The following ACBD6 variants were observed in gnomAD, a reference collection of about 807,000 sequenced individuals.
ACBD6 encodes the protein acyl-CoA binding domain containing 6.
ACBD6 carries 28 observed loss-of-function variants against 37.2 expected under a neutral mutation model. The ratio of observed to expected loss-of-function variants is 0.75; its 90% confidence interval spans 0.56 to 1.03. The LOEUF is 1.03. ACBD6 is among the 50% of genes least tolerant of loss of function. The pLI is 0.00. For synonymous variants in ACBD6, 113 were observed against 126.8 expected (o/e 0.89, Z 0.73); for missense variants, 340 against 337.4 (o/e 1.01, Z -0.06).
chr1:180,315,579 C>A (rs541722419), intron 6 of ACBD6, among the ~76,000 whole-genome samples: 1 of 152,266 alleles, frequency 6.6e-6, no homozygotes, highest in Admixed American at 6.5e-5. Context: ...GCCAGCCAAA[C>A]TATTCTTGGG....
At chr1:180,371,917 T>C (rs1653278458) in intron 6 of ACBD6, among the ~76,000 whole-genome samples, 1 of 152,166 alleles carries the variant, frequency 6.6e-6, no homozygotes, top group African/African-American at 2.4e-5. Context: ...GTGGAATATT[T>C]ACTACGAAGC....
downstream of ACBD6, among the ~76,000 whole-genome samples, chr1:180,284,220 T>A (rs1649399148): frequency 6.6e-6 from 1 of 152,234 alleles, no homozygotes; most frequent in African/African-American, 2.4e-5. Context: ...TTGAGTCTGA[T>A]AATCACTATA....
chr1:180,395,154 T>A (rs1027084238), intron 6 of ACBD6, among the ~76,000 whole-genome samples: 22 of 152,204 alleles, frequency 1.4e-4, no homozygotes, highest in African/African-American at 5.3e-4. Flanking sequence ...ACTAGTTAAC[T>A]AAATTATGAT....
chr1:180,388,178 A>G (rs1257497541), intron 6 of ACBD6, among the ~76,000 whole-genome samples: 1 of 148,798 alleles, frequency 6.7e-6, no homozygotes, highest in Non-Finnish European at 1.5e-5. Context: ...TCCGTCTCAA[A>G]AAAAAAAAAA....
chr1:180,400,762 T>A (rs1043409203), intron 5 of ACBD6, among the ~76,000 whole-genome samples: 29 of 152,306 alleles, frequency 1.9e-4, no homozygotes, highest in Admixed American at 1.4e-3. Context: ...TTAATCATGA[T>A]AAAATCAGGA....
At chr1:180,490,658 C>T (rs144654404) in intron 3 of ACBD6, among the ~76,000 whole-genome samples, 14 of 151,564 alleles carry the variant, frequency 9.2e-5, no homozygotes, top group African/African-American at 2.4e-4. Flanking sequence ...TGGTGGTGGA[C>T]GCCTGTAGTC....
At chr1:180,308,938 G>T (rs1650487298) in intron 7 of ACBD6, among the ~76,000 whole-genome samples, 1 of 152,068 alleles carries the variant, frequency 6.6e-6, no homozygotes, top group Admixed American at 6.6e-5. Flanking sequence ...TATAATTAAG[G>T]TGTATCATAT....
At chr1:180,428,293 C>A (rs1648678111) in intron 4 of ACBD6, among the ~76,000 whole-genome samples, 1 of 151,834 alleles carries the variant, frequency 6.6e-6, no homozygotes, top group South Asian at 2.1e-4. Context: ...CATGAAAATG[C>A]CAAAAGTAGT....
chr1:180,457,193 G>A (rs1300096480), intron 3 of ACBD6, among the ~76,000 whole-genome samples: 3 of 152,086 alleles, frequency 2.0e-5, no homozygotes, highest in Non-Finnish European at 2.9e-5. Flanking sequence ...GGCCAAAGGT[G>A]AGAACAGAAA....
intron 6 of ACBD6, among the ~76,000 whole-genome samples, chr1:180,347,032 AC>A (rs1276994388): frequency 2.0e-5 from 3 of 151,900 alleles, no homozygotes; most frequent in African/African-American, 7.3e-5. Flanking sequence ...AAAAAACAAA[AC>A]AAAACAAAAC....
chr1:180,467,590 G>A (rs4593779), intron 3 of ACBD6, among the ~76,000 whole-genome samples: 3,001 of 151,894 alleles, frequency 0.02, 114 homozygotes, highest in Admixed American at 0.052. Context: ...GTTTGAGGCC[G>A]CAGGGAGCTA....
intron 6 of ACBD6, among the ~76,000 whole-genome samples, chr1:180,317,326 G>C (rs564765481): frequency 6.6e-6 from 1 of 152,290 alleles, no homozygotes; most frequent in African/African-American, 2.4e-5. Flanking sequence ...AAATAGAATA[G>C]TGGTTACCAG....
chr1:180,376,870 T>A (rs1313055600), intron 6 of ACBD6, among the ~76,000 whole-genome samples: 1 of 152,138 alleles, frequency 6.6e-6, no homozygotes, highest in East Asian at 1.9e-4. Context: ...AACCATGTAT[T>A]TGAAGTGAAT....
At chr1:180,367,861 T>C (rs1441620543) in intron 6 of ACBD6, among the ~76,000 whole-genome samples, 1 of 152,186 alleles carries the variant, frequency 6.6e-6, no homozygotes, top group Admixed American at 6.5e-5. Context: ...TTCACGTGCA[T>C]GTGTCTTTAT....
intron 3 of ACBD6, among the ~76,000 whole-genome samples, chr1:180,478,701 C>T (rs1464233188): frequency 6.6e-6 from 1 of 152,182 alleles, no homozygotes; most frequent in Non-Finnish European, 1.5e-5. Flanking sequence ...TCAGGCTGGT[C>T]TCAAACTCCT....
intron 6 of ACBD6, among the ~76,000 whole-genome samples, chr1:180,341,606 A>AAATTCATG (rs1328152102): frequency 6.6e-6 from 1 of 152,120 alleles, no homozygotes; most frequent in East Asian, 1.9e-4. Context: ...CTTTACAGCA[A>AAATTCATG]AATTCATGAA....
intron 6 of ACBD6, among the ~76,000 whole-genome samples, chr1:180,367,474 T>C (rs916571539): frequency 6.6e-6 from 1 of 152,178 alleles, no homozygotes; most frequent in African/African-American, 2.4e-5. Flanking sequence ...GTACAAATTA[T>C]TTCATCAGGT....
In ACBD6 at chr1:180,359,826, T is replaced by A. The variant is rs749382576; in HGVS notation, c.663+37690A>T. Among the ~76,000 whole-genome samples the A allele has an allele frequency of 1.6e-4, 24 of 152,324 alleles. No homozygotes were observed. In the Middle Eastern group the frequency reaches 0.01, roughly 65 times the overall value. On this transcript the variant is annotated intron_variant, in intron 6 of 7. Coordinates refer to ENST00000367595, the MANE Select transcript of ACBD6 (RefSeq NM_032360.4). ...TCCTATTTATTTCCAAAGTGCATTT[T>A]AAGAACAGATGAATAAATGGCATGT...
chr1:180,430,122 C>T (rs1387806377), intron 4 of ACBD6, 58 bp downstream of exon 4: 42 of 1,431,574 alleles, frequency 2.9e-5, no homozygotes, highest in Non-Finnish European at 3.9e-5. Context: ...TACATACAAA[C>T]ACATGCACAC....
Sources: allele counts gnomAD v4.1 joint callset (sites outside exome capture counted in the v4.1 genomes callset), GRCh38; gene constraint gnomAD v4.1.1; transcripts MANE v1.5; gene names NCBI Gene and HGNC (gene_info 2026-07-23, HGNC 2026-07-21).